The following LY96 variants were observed in gnomAD, a reference collection of about 807,000 sequenced individuals.
The protein encoded by LY96 is myeloid differentiation protein-2.
A neutral mutation model predicts 18.9 loss-of-function variants in LY96; 18 were observed. The ratio of observed to expected loss-of-function variants is 0.95; its 90% CI spans 0.66 to 1.41. LY96 has a LOEUF of 1.41. Among genes scored for constraint, LY96 ranks in the 40% most tolerant of loss-of-function variants. The pLI, the probability that LY96 is intolerant of heterozygous loss-of-function variation, is 0.00. For missense variants in LY96, 175 were observed against 182.4 expected (o/e 0.96, Z 0.23); for synonymous variants, 66 against 62.6 (o/e 1.06, Z -0.26).
intron 4 of LY96, 124 bp downstream of exon 4, chr8:74,026,965 A>C (rs1282524415): frequency 3.3e-6 from 2 of 602,242 alleles, no homozygotes; most frequent in Non-Finnish European, 3.0e-6. Context: ...ATGGGATCTC[A>C]GTCTGTTACC....
chr8:74,034,860 G>A, the LY96 span, among the ~76,000 whole-genome samples: 1 of 152,146 alleles, frequency 6.6e-6, no homozygotes, highest in South Asian at 2.1e-4. Context: ...GTCAAGGTCA[G>A]ATCCTCCAAA....
At chr8:74,002,093 T>TTCTCTCTC (rs376445801) in intron 1 of LY96, among the ~76,000 whole-genome samples, 2 of 38,726 alleles carry the variant, frequency 5.2e-5, no homozygotes, top group African/African-American at 1.5e-4. Flanking sequence ...CTTTCTTTCT[T>TTCTCTCTC]TCTCTCTCTC....
At chr8:74,048,253 G>A in the LY96 span, among the ~76,000 whole-genome samples, 3 of 149,072 alleles carry the variant, frequency 2.0e-5, no homozygotes, top group Admixed American at 6.7e-5. Flanking sequence ...AGTGGTCTTC[G>A]TTTAGTTCTA....
the LY96 span, among the ~76,000 whole-genome samples, chr8:74,038,947 G>C: frequency 6.6e-6 from 1 of 152,170 alleles, no homozygotes; most frequent in Non-Finnish European, 1.5e-5. Context: ...GTTCTCCATA[G>C]TGGTTATACT....
chr8:74,049,275 G>A, the LY96 span, among the ~76,000 whole-genome samples: 1 of 152,098 alleles, frequency 6.6e-6, no homozygotes, highest in African/African-American at 2.4e-5. Context: ...TGCTATCCCT[G>A]TCATGCTTGA....
intron 3 of LY96, among the ~76,000 whole-genome samples, chr8:74,022,912 C>T (rs905185992): frequency 6.6e-6 from 1 of 152,086 alleles, no homozygotes; most frequent in Non-Finnish European, 1.5e-5. Context: ...CTCATATCCT[C>T]AAGTCTCATC....
chr8:73,996,395 TTCTTTCTTTC>T (rs1816142947), intron 1 of LY96, among the ~76,000 whole-genome samples: 1 of 45,444 alleles, frequency 2.2e-5, no homozygotes, highest in Non-Finnish European at 4.4e-5. Flanking sequence ...CTTTCTTTCT[TTCTTTCTTTC>T]TTTCTTTCTT....
chr8:74,097,705 C>CAAAT, the LY96 span, among the ~76,000 whole-genome samples: 559 of 151,282 alleles, frequency 3.7e-3, 2 homozygotes, highest in Non-Finnish European at 6.0e-3. Context: ...GACTCTGTCT[C>CAAAT]AAATAAATAA....
chr8:74,006,359 G>A (rs1374397553), intron 2 of LY96, among the ~76,000 whole-genome samples: 1 of 152,030 alleles, frequency 6.6e-6, no homozygotes, highest in Non-Finnish European at 1.5e-5. Context: ...CACCATGCCT[G>A]GCTAATTTTT....
the LY96 span, among the ~76,000 whole-genome samples, chr8:74,060,142 G>A: frequency 1.3e-5 from 2 of 151,816 alleles, no homozygotes; most frequent in Non-Finnish European, 2.9e-5. Context: ...GCCAGACCTT[G>A]TTTCAAACAA....
At chr8:74,055,426 T>A in the LY96 span, among the ~76,000 whole-genome samples, 1 of 152,192 alleles carries the variant, frequency 6.6e-6, no homozygotes, top group Non-Finnish European at 1.5e-5. Context: ...TTGGTCCCTA[T>A]CTGTAAGATT....
chr8:74,021,566 A>G (rs1456754002), intron 3 of LY96, among the ~76,000 whole-genome samples: 1 of 152,232 alleles, frequency 6.6e-6, no homozygotes, highest in African/African-American at 2.4e-5. Flanking sequence ...CCATCCCACT[A>G]CTGGGTATAT....
intron 1 of LY96, among the ~76,000 whole-genome samples, chr8:73,993,021 ATTTT>A (rs1213341344): frequency 2.1e-5 from 3 of 142,706 alleles, no homozygotes; most frequent in African/African-American, 7.7e-5. Flanking sequence ...CACCCGGCTA[ATTTT>A]TTTTTTTTTT....
chr8:73,996,372 C>CATTTCTTCCTTTCTTT, intron 1 of LY96, among the ~76,000 whole-genome samples: 1 of 110,908 alleles, frequency 9.0e-6, no homozygotes, highest in Non-Finnish European at 1.9e-5. Context: ...TTCCTTCATT[C>CATTTCTTCCTTTCTTT]CTTTCTTTCT....
downstream of LY96, among the ~76,000 whole-genome samples, chr8:74,031,934 GC>G (rs924937975): frequency 1.9e-4 from 29 of 152,056 alleles, no homozygotes; most frequent in African/African-American, 7.0e-4. Flanking sequence ...GACTAGCCTG[GC>G]CAAGACGGTG....
chr8:74,030,630 G>C (rs185695614), downstream of LY96, among the ~76,000 whole-genome samples: 2 of 152,080 alleles, frequency 1.3e-5, no homozygotes, highest in Non-Finnish European at 2.9e-5. Flanking sequence ...TAAACTCCTC[G>C]TGTGTGTTTG....
the LY96 span, among the ~76,000 whole-genome samples, chr8:74,049,356 G>T: frequency 1.3e-5 from 2 of 152,068 alleles, no homozygotes; most frequent in Non-Finnish European, 2.9e-5. Context: ...AGAAATCACT[G>T]CTAATCCGAT....
intron 3 of LY96, among the ~76,000 whole-genome samples, chr8:74,011,421 G>T (rs185089132): frequency 6.6e-6 from 1 of 152,274 alleles, no homozygotes; most frequent in East Asian, 1.9e-4. Flanking sequence ...CATAGCAAAA[G>T]AAATAATCAA....
At chr8:74,020,065 G>T (rs1348847704) in intron 3 of LY96, among the ~76,000 whole-genome samples, 1 of 152,148 alleles carries the variant, frequency 6.6e-6, no homozygotes, top group Admixed American at 6.6e-5. Context: ...GGAAGTTCTG[G>T]CCAGGACAAT....
Sources: allele counts gnomAD v4.1 joint callset (sites outside exome capture counted in the v4.1 genomes callset), GRCh38; gene constraint gnomAD v4.1.1; transcripts MANE v1.5; gene names NCBI Gene and HGNC (gene_info 2026-07-23, HGNC 2026-07-21).